The following RAB33A variants were observed in gnomAD, a reference collection of about 807,000 sequenced individuals.
The protein encoded by RAB33A is ras-related protein Rab-33A.
RAB33A carries 6 observed loss-of-function variants against 12.0 expected under a neutral mutation model. The observed-to-expected ratio is 0.50, with a 90% CI of 0.27 to 0.99. The LOEUF is 0.99. Ranked by LOEUF, RAB33A falls within the 50% of genes least tolerant of loss-of-function variation. The probability of loss-of-function intolerance (pLI) is 0.11; values close to 1 mark genes in which losing one functional copy is unlikely to be tolerated. For missense variants in RAB33A, 109 were observed against 192.0 expected (o/e 0.57, Z 2.55); for synonymous variants, 70 against 82.4 (o/e 0.85, Z 0.81).
At chrX:130,118,243 G>A in the RAB33A span, among the ~76,000 whole-genome samples, 2 of 112,703 alleles carry the variant, frequency 1.8e-5, no homozygotes, top group Non-Finnish European at 3.8e-5. Flanking sequence ...GACACCACAG[G>A]GGACCATGGG....
the RAB33A span, among the ~76,000 whole-genome samples, chrX:130,150,133 G>A: frequency 1.8e-5 from 2 of 110,949 alleles, no homozygotes; most frequent in Non-Finnish European, 3.8e-5. Context: ...AACTCACGAG[G>A]TAGAAGGAAT....
chrX:130,112,345 C>T, the RAB33A span, among the ~76,000 whole-genome samples: 4 of 111,840 alleles, frequency 3.6e-5, no homozygotes, highest in Admixed American at 9.5e-5. Context: ...GGGTAGGTTC[C>T]GGATGTCCCT....
intron 1 of RAB33A, among the ~76,000 whole-genome samples, chrX:130,174,186 C>G (rs762121460): frequency 1.8e-5 from 2 of 112,528 alleles, no homozygotes; most frequent in African/African-American, 6.5e-5. Flanking sequence ...CAGACTTTTT[C>G]CCAGAGGGCA....
At chrX:130,157,953 CAAAA>C in the RAB33A span, among the ~76,000 whole-genome samples, 3 of 46,161 alleles carry the variant, frequency 6.5e-5, no homozygotes, top group Non-Finnish European at 8.1e-5. Context: ...GACTCCGTCT[CAAAA>C]AAAAAAAAAA....
the RAB33A span, among the ~76,000 whole-genome samples, chrX:130,118,978 T>C: frequency 2.1e-4 from 23 of 111,626 alleles, no homozygotes; most frequent in Non-Finnish European, 2.8e-4. Context: ...TACGTGTACA[T>C]TTTTTCCTCG....
At chrX:130,145,785 T>C in the RAB33A span, among the ~76,000 whole-genome samples, 4 of 111,884 alleles carry the variant, frequency 3.6e-5, no homozygotes, top group African/African-American at 6.5e-5. Flanking sequence ...CAGGGGATGT[T>C]TGCCAGTGTC....
At chrX:130,135,905 T>C in the RAB33A span, 3 of 841,666 alleles carry the variant, frequency 3.6e-6, no homozygotes, top group Non-Finnish European at 5.3e-6. Flanking sequence ...AGTTCACACA[T>C]TTCTATTCTG....
chrX:130,177,125 C>T (rs1414813279), intron 1 of RAB33A, among the ~76,000 whole-genome samples: 1 of 112,263 alleles, frequency 8.9e-6, no homozygotes, highest in Non-Finnish European at 1.9e-5. Context: ...TTCGGGCCTG[C>T]CCCCGGCCAC....
the RAB33A span, among the ~76,000 whole-genome samples, chrX:130,135,229 G>C: frequency 1.8e-5 from 2 of 109,123 alleles, no homozygotes; most frequent in African/African-American, 6.7e-5. Context: ...TGGGATTACA[G>C]GCCTGTGCCA....
the RAB33A span, among the ~76,000 whole-genome samples, chrX:130,158,317 T>G: frequency 8.9e-6 from 1 of 111,998 alleles, no homozygotes; most frequent in Non-Finnish European, 1.9e-5. Context: ...AACCCACTCA[T>G]GGCTCCTGGG....
At chrX:130,152,751 T>A in the RAB33A span, among the ~76,000 whole-genome samples, 3 of 111,743 alleles carry the variant, frequency 2.7e-5, no homozygotes, top group Non-Finnish European at 5.6e-5. Context: ...CTCACATCAA[T>A]GCGAATCAGA....
At chrX:130,182,544 C>T (rs903372960) in intron 1 of RAB33A, among the ~76,000 whole-genome samples, 5 of 110,062 alleles carry the variant, frequency 4.5e-5, no homozygotes, top group African/African-American at 1.6e-4. Flanking sequence ...CACCTGAGAT[C>T]GGGAGTTCAA....
the RAB33A span, chrX:130,147,718 C>T: frequency 8.3e-7 from 1 of 1,211,810 alleles, no homozygotes; most frequent in Non-Finnish European, 1.1e-6. Context: ...GCAGACTGTA[C>T]CCTCTGTGCC....
chrX:130,183,171 G>C (rs1158317318), intron 1 of RAB33A, among the ~76,000 whole-genome samples: 1 of 108,606 alleles, frequency 9.2e-6, no homozygotes, highest in African/African-American at 3.3e-5. Context: ...GCCTCCCAAA[G>C]TGCTGGGATT....
the RAB33A span, among the ~76,000 whole-genome samples, chrX:130,129,171 C>T: frequency 1.2e-4 from 13 of 111,155 alleles, no homozygotes; most frequent in Admixed American, 8.6e-4. Context: ...GCCGAGGCCA[C>T]AGCAGGTGTG....
the RAB33A span, chrX:130,137,829 G>T: frequency 1.3e-6 from 1 of 770,662 alleles, no homozygotes. Context: ...TTGGGTGGCC[G>T]AGGTGGGTGG....
At chrX:130,166,158 C>CA in the RAB33A span, among the ~76,000 whole-genome samples, 1 of 111,662 alleles carries the variant, frequency 9.0e-6, no homozygotes, top group African/African-American at 3.3e-5. Flanking sequence ...TTTAGGACAC[C>CA]AGTTACTTGA....
the RAB33A span, among the ~76,000 whole-genome samples, chrX:130,138,333 C>T: frequency 1.8e-5 from 2 of 110,376 alleles, no homozygotes; most frequent in Non-Finnish European, 3.8e-5. Context: ...GGCGTGGTTA[C>T]AGGCGCCTGT....
At chrX:130,121,857 TGAG>T in the RAB33A span, among the ~76,000 whole-genome samples, 1 of 112,535 alleles carries the variant, frequency 8.9e-6, no homozygotes, top group Non-Finnish European at 1.9e-5. Context: ...TGGGACTGCC[TGAG>T]GAGTTCACCT....
Sources: allele counts gnomAD v4.1 joint callset (sites outside exome capture counted in the v4.1 genomes callset), GRCh38; gene constraint gnomAD v4.1.1; transcripts MANE v1.5; gene names NCBI Gene and HGNC (gene_info 2026-07-23, HGNC 2026-07-21).